Variants in TASOR observed in about 807,000 individuals in gnomAD.
TASOR encodes protein TASOR.
Under a neutral mutation model 178.6 loss-of-function variants are expected in TASOR, and 53 were observed. The observed-to-expected ratio is 0.30, with a 90% CI of 0.24 to 0.37. The LOEUF is 0.37. Ranked by LOEUF, TASOR falls within the 10% of genes least tolerant of loss-of-function variation. The pLI, the probability that TASOR is intolerant of heterozygous loss-of-function variation, is 1.00. For missense variants in TASOR, 1,815 were observed against 1,971.4 expected (o/e 0.92, Z 1.50); for synonymous variants, 713 against 696.2 (o/e 1.02, Z -0.38).
In TASOR at chr3:56,622,044, A is replaced by ATAAC; in HGVS notation, c.*989_*992dup. ...TTAACACGTCTAGACCCATAACTCC[A>ATAAC]TAACTTTTACTGAAATAACACAAAT... On this transcript the variant is annotated 3_prime_UTR_variant, in exon 24 of 24. Coordinates refer to ENST00000683822, the MANE Select transcript of TASOR (RefSeq NM_001365635.2). The ATAAC allele has an allele frequency of 6.6e-6, 1 of 152,452 alleles. No individual in the cohort carries two copies. Among genetic ancestry groups the ATAAC allele is most frequent in the African/African-American group, 2.4e-5 (1 of 41,576 alleles). 9.4% of individuals were successfully genotyped at this position (152,452 alleles called of 1,614,324 possible).
rs556755721 is a variant in TASOR at position 56,628,545 on chromosome 3, C to G, written c.3817G>C (p.Asp1273His). 2 of 1,598,762 alleles carry G rather than the reference C, an allele frequency of 1.3e-6. No individual in the cohort carries two copies. The highest frequency in any genetic ancestry group is 1.1e-5 in the South Asian group (1 of 89,506). ...EQFLERRSKLDKLLIIIQNED... is the reference protein window; with the variant it reads ...EQFLERRSKLHKLLIIIQNED... ...TTTTGAATAATAATCAATAGTTTAT[C>G]TAATTTTGATCTTCTTTCCAAAAAC... The change falls in exon 19 of 24, where the codon GAT becomes CAT. Residue 1273 changes from aspartate (D) to histidine (H), a missense_variant. Coordinates refer to ENST00000683822, the MANE Select transcript of TASOR (RefSeq NM_001365635.2).
rs960473665 is a variant in TASOR at position 56,683,143 on chromosome 3, C to T, written c.-137G>A. 3.0e-6 allele frequency: 3 copies of T among 1,000,412 alleles called. No individual in the cohort carries two copies. Among genetic ancestry groups the T allele is most frequent in the Non-Finnish European group, 4.2e-6 (3 of 705,936 alleles). The allele number at this position is 1,000,412 out of a possible 1,614,324, so 62.0% of individuals were successfully genotyped here. Reference sequence around the variant, plus strand: ...CTTCCCCCCGTGGCCTCAGGCTGCGCTCCCGACCTGGCAGCCTCTTGGGGG... The same window carrying T: ...CTTCCCCCCGTGGCCTCAGGCTGCGTTCCCGACCTGGCAGCCTCTTGGGGG... On this transcript the variant is annotated 5_prime_UTR_variant, in exon 1 of 24. Coordinates refer to ENST00000683822, the MANE Select transcript of TASOR (RefSeq NM_001365635.2).
intron 7 of TASOR, 119 bp downstream of exon 7, chr3:56,666,141 T>TC (rs757757719): frequency 1.8e-4 from 140 of 759,566 alleles, no homozygotes; most frequent in Non-Finnish European, 2.3e-4. Flanking sequence ...CCAACCAACT[T>TC]CAAGGGAAGT....
intron 1 of TASOR, 110 bp downstream of exon 1, chr3:56,682,566 G>A: frequency 9.7e-7 from 1 of 1,027,706 alleles, no homozygotes; most frequent in Non-Finnish European, 1.3e-6. Flanking sequence ...GGCCGGCGCT[G>A]CATGCGTGTT....
At chr3:56,641,324 A>C in intron 15 of TASOR, 25 bp downstream of exon 15, 1 of 1,556,590 alleles carries the variant, frequency 6.4e-7, no homozygotes, top group Non-Finnish European at 8.7e-7. Context: ...ACAAACACAA[A>C]GGTAACCAAC....
chr3:56,682,980 G>A lies in TASOR; in HGVS notation c.27C>T (p.Ala9=), dbSNP rs2031942149. The change falls in exon 1 of 24, where the codon GCC becomes GCT. Residue 9 remains alanine, a synonymous_variant. Coordinates refer to ENST00000683822, the MANE Select transcript of TASOR (RefSeq NM_001365635.2). MATAVETE[A]CQPTDASWES... is the part of the protein sequence containing the mutation. ...CCCAACTCGCATCCGTCGGCTGACAGGCCTCCGTCTCCACAGCAGTCGCCA... is the reference window on the plus strand; with the variant it reads ...CCCAACTCGCATCCGTCGGCTGACAAGCCTCCGTCTCCACAGCAGTCGCCA... 5.2e-6 allele frequency: 8 copies of A among 1,548,746 alleles called. No individual in the cohort carries two copies. The highest frequency in any genetic ancestry group is 2.7e-5 in the African/African-American group (2 of 73,012).
At chr3:56,653,056 G>A (rs376122277) in intron 11 of TASOR, among the ~76,000 whole-genome samples, 3 of 152,008 alleles carry the variant, frequency 2.0e-5, no homozygotes, top group Admixed American at 2.0e-4. Context: ...CCTGAGGTCA[G>A]GAGTTCACAA....
chr3:56,678,434 G>A (rs1240621534), intron 1 of TASOR, among the ~76,000 whole-genome samples: 1 of 151,630 alleles, frequency 6.6e-6, no homozygotes, highest in African/African-American at 2.4e-5. Context: ...GCCCACCTCG[G>A]CCTCTCAAAG....
intron 1 of TASOR, among the ~76,000 whole-genome samples, chr3:56,676,526 A>G (rs2031313460): frequency 6.6e-6 from 1 of 152,210 alleles, no homozygotes; most frequent in South Asian, 2.1e-4. Flanking sequence ...TTTCACAACC[A>G]AAGTGGGCCA....
At chr3:56,650,819 T>A (rs1278140970) in intron 11 of TASOR, among the ~76,000 whole-genome samples, 1 of 152,230 alleles carries the variant, frequency 6.6e-6, no homozygotes, top group African/African-American at 2.4e-5. Context: ...ACGCTAAGTC[T>A]CTTAGAGTAT....
rs780969414 is a variant in TASOR at position 56,633,777 on chromosome 3, G to A, written c.3014C>T (p.Ala1005Val). The part of the protein sequence containing the change: ...TGQVEEQCVP[A>V]AEAEPPAVSE... ...CACTGCAGGCGGCTCTGCCTCTGCT[G>A]CTGGCACACACTGCTCCTCCACCTG... Residue 1005 changes from alanine (A) to valine (V), a missense_variant, in exon 18 of 24, where the codon GCA (alanine) becomes GTA (valine). Physicochemically the swap from Ala to Val is moderately conservative, Grantham distance 64. Around this residue, in one of 5 missense-constraint regions of TASOR, gnomAD observed 655 missense variants for 671.1 expected, o/e 0.98. Coordinates refer to ENST00000683822, the MANE Select transcript of TASOR (RefSeq NM_001365635.2). 1 of 1,614,038 alleles carries A rather than the reference G, an allele frequency of 6.2e-7. No homozygotes were observed. The highest frequency in any genetic ancestry group is 2.2e-5 in the East Asian group (1 of 44,888).
chr3:56,667,294 G>A (rs958412777), intron 6 of TASOR, among the ~76,000 whole-genome samples: 1 of 152,068 alleles, frequency 6.6e-6, no homozygotes, highest in African/African-American at 2.4e-5. Flanking sequence ...AACATTTCCA[G>A]GGAAGTTAAC....
chr3:56,655,960 T>C (rs1158260407), intron 11 of TASOR, among the ~76,000 whole-genome samples: 2 of 152,208 alleles, frequency 1.3e-5, no homozygotes, highest in Admixed American at 6.5e-5. Flanking sequence ...GACATAGACA[T>C]TGTGATGCAG....
intron 11 of TASOR, among the ~76,000 whole-genome samples, chr3:56,657,351 T>C (rs767877587): frequency 6.9e-6 from 1 of 144,302 alleles, no homozygotes; most frequent in African/African-American, 2.6e-5. Flanking sequence ...AAAAAGTCAA[T>C]ATAATCTTAT....
rs2031927946 is a variant in TASOR, at chr3:56,682,845, G to A, written c.162C>T (p.Gly54=). Residue 54 remains glycine (G), a synonymous_variant, in exon 1 of 24, where the codon GGC becomes GGT. Coordinates refer to ENST00000683822, the MANE Select transcript of TASOR (RefSeq NM_001365635.2). ...GGLNIAEPSG[G]AGREENAGAE... The stretch of plus-strand genomic sequence containing the variant: ...CCCCCGCGTTCTCCTCACGCCCAGC[G>A]CCGCCGCTGGGCTCAGCGATGTTGA... 1 of 1,550,028 alleles carries A rather than the reference G, an allele frequency of 6.5e-7. No homozygotes were observed. The highest frequency in any genetic ancestry group is 8.7e-7 in the Non-Finnish European group (1 of 1,146,496).
chr3:56,627,553 G>C, intron 20 of TASOR, 29 bp downstream of exon 20: 2 of 1,610,990 alleles, frequency 1.2e-6, no homozygotes, highest in Non-Finnish European at 1.7e-6. Flanking sequence ...CAGAAGAGGA[G>C]TTACGTGCTC....
At chr3:56,643,696 A>G (rs974439919) in intron 14 of TASOR, among the ~76,000 whole-genome samples, 1 of 151,320 alleles carries the variant, frequency 6.6e-6, no homozygotes, top group African/African-American at 2.4e-5. Context: ...CGGAGCTTGC[A>G]GTGAGCCGAG....
At position 56,621,180 on chromosome 3, in the gene TASOR, C is replaced by CA. The variant is rs1559799789; in HGVS notation, c.*1856dup. The stretch of plus-strand genomic sequence containing the variant: ...TCTCCAAAAAAAAACAAAACAACAA[C>CA]AACAAAAAAAAAACACTGTATGTTA... On this transcript the variant is annotated 3_prime_UTR_variant, in exon 24 of 24. Coordinates refer to ENST00000683822, the MANE Select transcript of TASOR (RefSeq NM_001365635.2). 2.6e-5 allele frequency: 4 copies of CA among 154,804 alleles called. No individual in the cohort carries two copies. The highest frequency in any genetic ancestry group is 6.6e-5 in the Admixed American group (1 of 15,244). 9.6% of individuals were successfully genotyped at this position (154,804 alleles called of 1,614,324 possible).
intron 11 of TASOR, among the ~76,000 whole-genome samples, chr3:56,651,690 A>T (rs1169020246): frequency 6.7e-6 from 1 of 148,258 alleles, no homozygotes; most frequent in Non-Finnish European, 1.5e-5. Context: ...GGCAACAGAG[A>T]GTCCTGTCTC....
Sources: allele counts gnomAD v4.1 joint callset (sites outside exome capture counted in the v4.1 genomes callset), GRCh38; gene constraint gnomAD v4.1.1; regional missense constraint gnomAD v4.1.1; transcripts MANE v1.5; gene names NCBI Gene and HGNC (gene_info 2026-07-23, HGNC 2026-07-21).